EDEM3: variants seen among roughly 807,000 people sequenced by gnomAD.
EDEM3 encodes the protein ER degradation enhancing alpha-mannosidase like protein 3.
EDEM3 carries 60 observed loss-of-function variants against 110.2 expected under a neutral mutation model. That is an observed-to-expected ratio of 0.54 (90% CI 0.44 to 0.67). The LOEUF (loss-of-function observed/expected upper bound fraction) is 0.67. Among genes scored for constraint, EDEM3 ranks in the 30% least tolerant of loss-of-function variants. The pLI is 0.00. For synonymous variants in EDEM3, 352 were observed against 382.9 expected (o/e 0.92, Z 0.94); for missense variants, 996 against 1,121.0 (o/e 0.89, Z 1.59).
chr1:184,754,813 C>G lies in EDEM3; in HGVS notation c.-167G>C. The G allele has an allele frequency of 8.8e-7, 1 of 1,133,136 alleles. No homozygotes were observed. The highest frequency in any genetic ancestry group is 1.2e-6 in the Non-Finnish European group (1 of 847,182). The allele number at this position is 1,133,136 out of a possible 1,614,324, so 70.2% of individuals were successfully genotyped here. ...TTTCCCGAAGCCACCAAGCCGGTCC[C>G]CAGCGCCAGCGCTGCCACCGCCCTC... On this transcript the variant is annotated 5_prime_UTR_variant, in exon 1 of 20. Coordinates refer to ENST00000318130, the MANE Select transcript of EDEM3 (RefSeq NM_025191.4).
chr1:184,694,067 A>G lies in EDEM3; in HGVS notation c.2795T>C (p.Leu932Pro). ...ACCAACAGATTGTTTAGCAAGTCAT[A>G]GCTCATCCTTCTCCATCATTTCAAA... ...EAFEMMEKDE[L>P] The change falls in exon 20 of 20, where the codon CTA (leucine) becomes CCA (proline). Residue 932 changes from leucine to proline, a missense_variant. Leu to Pro is a moderately conservative substitution (Grantham distance 98). Around this residue, in one of 5 missense-constraint regions of EDEM3, gnomAD observed 345 missense variants for 402.0 expected, o/e 0.86. Coordinates refer to ENST00000318130, the MANE Select transcript of EDEM3 (RefSeq NM_025191.4). The G allele has an allele frequency of 3.1e-6, 5 of 1,611,182 alleles. No homozygotes were observed. Among genetic ancestry groups the G allele is most frequent in the Non-Finnish European group, 4.2e-6 (5 of 1,178,436 alleles).
intron 2 of EDEM3, among the ~76,000 whole-genome samples, chr1:184,738,968 T>C (rs925461263): frequency 1.3e-5 from 2 of 151,882 alleles, no homozygotes; most frequent in African/African-American, 2.4e-5. Context: ...GTTATACTTT[T>C]TTTATATTTA....
chr1:184,712,159 C>A (rs1650283073), intron 14 of EDEM3, among the ~76,000 whole-genome samples: 1 of 152,060 alleles, frequency 6.6e-6, no homozygotes, highest in Non-Finnish European at 1.5e-5. Context: ...ATCTCCTGAC[C>A]TTGTGATCCA....
chr1:184,738,132 G>A (rs1450304245), intron 2 of EDEM3, among the ~76,000 whole-genome samples: 4 of 152,056 alleles, frequency 2.6e-5, no homozygotes, highest in Non-Finnish European at 4.4e-5. Flanking sequence ...TTCTTCCCAC[G>A]TTTTTAGAAT....
At position 184,694,258 on chromosome 1, in the gene EDEM3, T is replaced by G; in HGVS notation, c.2604A>C (p.Thr868=). ...ISPSEQTSNP[T]ENHETTNLNG... ...TAAGATTTGTAGTCTCATGGTTTTC[T>G]GTGGGATTAGAAGTCTGTTCAGAAG... The change falls in exon 20 of 20, where the codon ACA becomes ACC. Residue 868 remains threonine (T), a synonymous_variant. Transcript: ENST00000318130. The G allele has an allele frequency of 6.2e-7, 1 of 1,613,406 alleles. No homozygotes were observed. The highest frequency in any genetic ancestry group is 1.7e-5 in the Admixed American group (1 of 59,866).
At chr1:184,721,083 G>A (rs1382328620) in intron 9 of EDEM3, 1 of 449,684 alleles carries the variant, frequency 2.2e-6, no homozygotes, top group Non-Finnish European at 3.9e-6. Flanking sequence ...GATAAAAGGT[G>A]AAAATAAAAC....
chr1:184,730,304 G>A (rs1005251509), intron 6 of EDEM3, among the ~76,000 whole-genome samples: 4 of 152,280 alleles, frequency 2.6e-5, no homozygotes, highest in East Asian at 1.9e-4. Context: ...CACAGAGGCC[G>A]GGCATGATGG....
chr1:184,707,895 G>GT (rs1650017906), intron 17 of EDEM3, among the ~76,000 whole-genome samples: 1 of 152,068 alleles, frequency 6.6e-6, no homozygotes, highest in Non-Finnish European at 1.5e-5. Flanking sequence ...TCAATTACAG[G>GT]TATTAAATTA....
chr1:184,725,015 AAAAC>A (rs1223093229), intron 7 of EDEM3, among the ~76,000 whole-genome samples: 1 of 152,156 alleles, frequency 6.6e-6, no homozygotes, highest in East Asian at 1.9e-4. Flanking sequence ...GGCACAGATA[AAAAC>A]AAACAATTGA....
rs2102066123 is a variant in EDEM3 at position 184,706,196 on chromosome 1, T to TA, written c.2203+446dup. ...TAAAAAACTGAAGCTAGGCCAAGGT[T>TA]ACACTGCAATTTTGTGGTAGAGCCA... is the stretch of plus-strand genomic sequence containing the variant. On this transcript the variant is annotated intron_variant, in intron 18 of 19. Coordinates refer to ENST00000318130, the MANE Select transcript of EDEM3 (RefSeq NM_025191.4). Among the ~76,000 whole-genome samples, 2 of 152,316 alleles carry TA rather than the reference T, an allele frequency of 1.3e-5. 1 individual carries two copies. The highest frequency in any genetic ancestry group is 1.3e-4 in the Admixed American group (2 of 15,296).
At chr1:184,726,220 A>T in intron 7 of EDEM3, 35 bp downstream of exon 7, 4 of 1,607,158 alleles carry the variant, frequency 2.5e-6, no homozygotes, top group Non-Finnish European at 2.6e-6. Context: ...AGTTATGCCC[A>T]ATACCCAGGA....
chr1:184,715,096 A>C (rs913288668), intron 13 of EDEM3, among the ~76,000 whole-genome samples: 12 of 152,174 alleles, frequency 7.9e-5, no homozygotes, highest in African/African-American at 2.9e-4. Flanking sequence ...AGCCTCATAG[A>C]ACATTAGTGA....
intron 6 of EDEM3, among the ~76,000 whole-genome samples, chr1:184,726,609 T>C (rs535694416): frequency 1.3e-5 from 2 of 152,238 alleles, no homozygotes; most frequent in Non-Finnish European, 2.9e-5. Context: ...TTTTATTTCA[T>C]TCCATCCTCA....
chr1:184,730,411 C>T (rs912276739), intron 6 of EDEM3, among the ~76,000 whole-genome samples: 26 of 152,036 alleles, frequency 1.7e-4, no homozygotes, highest in African/African-American at 5.5e-4. Context: ...GTGAGAACTC[C>T]ATCTCTACAA....
intron 19 of EDEM3, among the ~76,000 whole-genome samples, chr1:184,694,720 A>G (rs896593997): frequency 5.3e-5 from 8 of 152,054 alleles, no homozygotes; most frequent in Non-Finnish European, 1.0e-4. Flanking sequence ...AGGAATGACA[A>G]TAACTAAGAC....
At chr1:184,705,138 G>A (rs757842176) in intron 18 of EDEM3, among the ~76,000 whole-genome samples, 2 of 151,978 alleles carry the variant, frequency 1.3e-5, no homozygotes, top group African/African-American at 2.4e-5. Flanking sequence ...AGACTTCACT[G>A]AAAAATATAA....
intron 18 of EDEM3, among the ~76,000 whole-genome samples, chr1:184,705,215 T>C (rs1036333667): frequency 6.6e-6 from 1 of 152,252 alleles, no homozygotes; most frequent in Non-Finnish European, 1.5e-5. Flanking sequence ...CTTTATACTT[T>C]ACATTTTCAT....
chr1:184,739,315 T>C (rs1652004807), intron 2 of EDEM3, among the ~76,000 whole-genome samples: 1 of 149,052 alleles, frequency 6.7e-6, no homozygotes, highest in Admixed American at 6.7e-5. Flanking sequence ...TATTTTATCA[T>C]TAAAATAATT....
intron 2 of EDEM3, among the ~76,000 whole-genome samples, chr1:184,744,249 AATATATATATATAT>A (rs55959890): frequency 0.045 from 3,976 of 87,590 alleles, 218 homozygotes; most frequent in African/African-American, 0.12. Flanking sequence ...ACAAATGACA[AATATATATATATAT>A]ATATATATAT....
Sources: allele counts gnomAD v4.1 joint callset (sites outside exome capture counted in the v4.1 genomes callset), GRCh38; gene constraint gnomAD v4.1.1; regional missense constraint gnomAD v4.1.1; transcripts MANE v1.5; gene names NCBI Gene and HGNC (gene_info 2026-07-23, HGNC 2026-07-21).